The following MYEF2 variants were observed in gnomAD, a reference collection of about 807,000 sequenced individuals.
MYEF2 encodes myelin gene expression factor 2.
A neutral mutation model predicts 75.2 loss-of-function variants in MYEF2; 37 were observed. The observed-to-expected ratio is 0.49, with a 90% CI of 0.38 to 0.65. MYEF2 has a LOEUF of 0.65. MYEF2 is among the 30% of genes least tolerant of loss of function. The pLI, the probability that MYEF2 is intolerant of heterozygous loss-of-function variation, is 0.00. For missense variants in MYEF2, 634 were observed against 771.4 expected (o/e 0.82, Z 2.11); for synonymous variants, 195 against 241.6 (o/e 0.81, Z 1.79).
intron 5 of MYEF2, among the ~76,000 whole-genome samples, chr15:48,160,306 A>C (rs1597330215): frequency 6.6e-6 from 1 of 152,130 alleles, no homozygotes; most frequent in African/African-American, 2.4e-5. Flanking sequence ...CCTGAACAAA[A>C]TACAGTTACC....
At chr15:48,173,232 G>A (rs1245445148) in intron 1 of MYEF2, among the ~76,000 whole-genome samples, 1 of 152,062 alleles carries the variant, frequency 6.6e-6, no homozygotes, top group South Asian at 2.1e-4. Flanking sequence ...CAGAATGAAG[G>A]ATTTTTTAAA....
intron 14 of MYEF2, among the ~76,000 whole-genome samples, chr15:48,150,278 T>C (rs936572848): frequency 1.3e-5 from 2 of 151,876 alleles, no homozygotes; most frequent in Non-Finnish European, 2.9e-5. Context: ...TTAGGACTAA[T>C]AGGAAATGGC....
chr15:48,168,193 T>C (rs1160451847), intron 2 of MYEF2, among the ~76,000 whole-genome samples: 2 of 152,004 alleles, frequency 1.3e-5, no homozygotes, highest in Non-Finnish European at 2.9e-5. Context: ...GTCATGACAA[T>C]GCAAACAAAA....
At chr15:48,175,838 AAAG>A (rs1192245098) in intron 1 of MYEF2, among the ~76,000 whole-genome samples, 4 of 152,196 alleles carry the variant, frequency 2.6e-5, no homozygotes, top group Non-Finnish European at 5.9e-5. Context: ...ATTTGGCGTT[AAAG>A]AAGAAGACTA....
Position 48,139,039 on chromosome 15 carries a change from TATTAC to T in MYEF2, c.*3864_*3868del. ...TTTTTTGGGTATTATCCCTTCCTAT[TATTAC>T]ATTACTTTTTCTAACCACACCAGAT... On this transcript the variant is annotated 3_prime_UTR_variant, in exon 17 of 17. Coordinates refer to ENST00000324324, the MANE Select transcript of MYEF2 (RefSeq NM_016132.5). 6.2e-7 allele frequency: 1 copy of T among 1,613,164 alleles called. No individual in the cohort carries two copies. The highest frequency in any genetic ancestry group is 1.7e-4 in the Middle Eastern group (1 of 6,054).
Position 48,158,241 on chromosome 15 carries a change from G to A in MYEF2, c.872-17C>T. The A allele has an allele frequency of 1.2e-6, 2 of 1,611,228 alleles. No individual in the cohort carries two copies. Among genetic ancestry groups the A allele is most frequent in the East Asian group, 2.2e-5 (1 of 44,744 alleles). On this transcript the variant is annotated splice_polypyrimidine_tract_variant and intron_variant, in intron 7 of 16. Transcript: ENST00000324324. Reference sequence around the variant, plus strand: ...TGAACATAGCTGTTGGTTCAGTCAAGGAAAGTCAGTTAAGATAACTATAAA... The same window carrying A: ...TGAACATAGCTGTTGGTTCAGTCAAAGAAAGTCAGTTAAGATAACTATAAA...
At chr15:48,158,284 A>C in intron 7 of MYEF2, 60 bp from the exon 8 acceptor site, 1 of 1,483,070 alleles carries the variant, frequency 6.7e-7, no homozygotes, top group Non-Finnish European at 9.3e-7. Context: ...CAGAACACAA[A>C]CTAATTTTTA....
Position 48,137,098 on chromosome 15 carries a change from T to A in MYEF2, c.*5810A>T, listed in dbSNP as rs2034964853. ...AGACTCAGAAATGATAAAGACCAAG[T>A]CCCTACCTTTAAGGAACTTCCAATA... On this transcript the variant is annotated 3_prime_UTR_variant, in exon 17 of 17. Coordinates refer to ENST00000324324, the MANE Select transcript of MYEF2 (RefSeq NM_016132.5). 3.3e-6 allele frequency: 3 copies of A among 913,222 alleles called. No homozygotes were observed. The highest frequency in any genetic ancestry group is 4.8e-6 in the Non-Finnish European group (3 of 623,990). 56.6% of individuals were successfully genotyped at this position (913,222 alleles called of 1,614,324 possible). A position where few individuals can be genotyped will look rare whatever the true frequency, so the allele number is the denominator to read the frequency against.
chr15:48,166,147 G>T lies in MYEF2; in HGVS notation c.424-19C>A. 1 of 1,555,490 alleles carries T rather than the reference G, an allele frequency of 6.4e-7. No homozygotes were observed. The highest frequency in any genetic ancestry group is 8.8e-7 in the Non-Finnish European group (1 of 1,142,276). Reference sequence around the variant, plus strand: ...CACAACCCTATATCCAGGTAGATTTGTCAAAATATGCAAAAGAAAAAAAGT... The same window carrying T: ...CACAACCCTATATCCAGGTAGATTTTTCAAAATATGCAAAAGAAAAAAAGT... On this transcript the variant is annotated intron_variant, in intron 3 of 16. Coordinates refer to ENST00000324324, the MANE Select transcript of MYEF2 (RefSeq NM_016132.5).
chr15:48,165,984 T>C lies in MYEF2; in HGVS notation c.474A>G (p.Leu158=). 6.3e-7 allele frequency: 1 copy of C among 1,597,578 alleles called. No individual in the cohort carries two copies. The highest frequency in any genetic ancestry group is 8.5e-7 in the Non-Finnish European group (1 of 1,170,410). Residue 158 remains leucine (L), a synonymous_variant, in exon 5 of 17, where the codon CTA becomes CTG. Transcript: ENST00000324324. ...FKDEEFVKKA[L]ETMNKYDLSG... ...TAAGATCATATTTGTTCATAGTTTCTAGGGCTTTCTTTACAAATTCTTCAT... is the reference window on the plus strand; with the variant it reads ...TAAGATCATATTTGTTCATAGTTTCCAGGGCTTTCTTTACAAATTCTTCAT...
intron 5 of MYEF2, among the ~76,000 whole-genome samples, chr15:48,164,809 A>G (rs901287153): frequency 2.0e-5 from 3 of 152,228 alleles, no homozygotes; most frequent in Non-Finnish European, 4.4e-5. Flanking sequence ...TCAGCAATAA[A>G]GTATTTTTAA....
In MYEF2 at chr15:48,151,906, A is replaced by G; in HGVS notation, c.1175T>C (p.Met392Thr). Residue 392 changes from methionine (M) to threonine (T), a missense_variant, in exon 12 of 17, where the codon ATG becomes ACG. By Grantham distance (81) the Met-to-Thr change is moderately conservative. Coordinates refer to ENST00000324324, the MANE Select transcript of MYEF2 (RefSeq NM_016132.5). Reference protein sequence around the residue: ...GFGGLEAMNSMGGFGGVGRMG... With the variant: ...GFGGLEAMNSTGGFGGVGRMG... Reference sequence around the variant, plus strand: ...TCGGCCAACTCCTCCAAATCCTCCCATGCTATTCATTGCTTCCAGACCACC... The same window carrying G: ...TCGGCCAACTCCTCCAAATCCTCCCGTGCTATTCATTGCTTCCAGACCACC... 1 of 1,613,528 alleles carries G rather than the reference A, an allele frequency of 6.2e-7. No homozygotes were observed. The highest frequency in any genetic ancestry group is 8.5e-7 in the Non-Finnish European group (1 of 1,179,598).
chr15:48,135,766 G>GT lies in MYEF2; in HGVS notation c.*7141dup, dbSNP rs777507674. ...GAGAACCATAACCTTGCAGCACGGCGTAATACCTGCTATCAAGAAACTTAA... is the reference window on the plus strand; with the variant it reads ...GAGAACCATAACCTTGCAGCACGGCGTTAATACCTGCTATCAAGAAACTTAA... On this transcript the variant is annotated 3_prime_UTR_variant, in exon 17 of 17. Coordinates refer to ENST00000324324, the MANE Select transcript of MYEF2 (RefSeq NM_016132.5). 4.6e-5 allele frequency: 7 copies of GT among 151,858 alleles called. No individual in the cohort carries two copies. The highest frequency in any genetic ancestry group is 1.3e-4 in the Admixed American group (2 of 15,224). The allele number at this position is 151,858 out of a possible 1,614,324, so 9.4% of individuals were successfully genotyped here.
At chr15:48,164,664 T>C (rs1405501396) in intron 5 of MYEF2, among the ~76,000 whole-genome samples, 2 of 152,066 alleles carry the variant, frequency 1.3e-5, no homozygotes, top group Non-Finnish European at 1.5e-5. Context: ...TCATTGTTCT[T>C]AATTTAAGAA....
Position 48,149,653 on chromosome 15 carries a change from A to T in MYEF2, c.1379-282T>A, listed in dbSNP as rs1314694618. 1 of 205,262 alleles carries T rather than the reference A, an allele frequency of 4.9e-6. No homozygotes were observed. Among genetic ancestry groups the T allele is most frequent in the Non-Finnish European group, 9.6e-6 (1 of 103,872 alleles). The allele number at this position is 205,262 out of a possible 1,614,324, so 12.7% of individuals were successfully genotyped here. A position where few individuals can be genotyped will look rare whatever the true frequency, so the allele number is the denominator to read the frequency against. ...CATTATGCATATATAACTGTATAAAATTGTATTCTGATCACTAAATATATC... is the reference window on the plus strand; with the variant it reads ...CATTATGCATATATAACTGTATAAATTTGTATTCTGATCACTAAATATATC... On this transcript the variant is annotated intron_variant, in intron 14 of 16. Transcript: ENST00000324324. This position sits in a 1 kb window ranked among gnomAD's most constrained non-coding sequence, Gnocchi z 4.0.
Position 48,158,113 on chromosome 15 carries a change from T to C in MYEF2, c.922-57A>G. On this transcript the variant is annotated intron_variant, in intron 8 of 16. Coordinates refer to ENST00000324324, the MANE Select transcript of MYEF2 (RefSeq NM_016132.5). ...CATATTACCACAAAGAACTGTAATG[T>C]AGAAGAGAGCCAATAAAAGATCTGA... 3 of 1,611,302 alleles carry C rather than the reference T, an allele frequency of 1.9e-6. 1 individual carries two copies. In the South Asian group the frequency reaches 3.3e-5, roughly 18 times the overall value.
chr15:48,153,598 C>A, intron 10 of MYEF2, 194 bp downstream of exon 10: 1 of 515,700 alleles, frequency 1.9e-6, no homozygotes, highest in Non-Finnish European at 3.4e-6. Context: ...CCAAAGAAAC[C>A]CTCCTGACTT....
chr15:48,170,053 A>AT lies in MYEF2; in HGVS notation c.162-1215dup, dbSNP rs549330764. On this transcript the variant is annotated intron_variant, in intron 1 of 16. Coordinates refer to ENST00000324324, the MANE Select transcript of MYEF2 (RefSeq NM_016132.5). Reference sequence around the variant, plus strand: ...ATTTGGATTTCTATTTTAAAATGCAATTTACTTTTCAAAACAAGTCTTTTT... The same window carrying AT: ...ATTTGGATTTCTATTTTAAAATGCAATTTTACTTTTCAAAACAAGTCTTTTT... 9.5e-4 allele frequency: 145 copies of AT among 152,294 alleles called. 1 individual carries two copies. The highest frequency in any genetic ancestry group is 3.4e-3 in the African/African-American group (143 of 41,564). The allele number at this position is 152,294 out of a possible 1,614,324, so 9.4% of individuals were successfully genotyped here.
At chr15:48,170,772 A>G (rs1196729196) in intron 1 of MYEF2, among the ~76,000 whole-genome samples, 1 of 152,216 alleles carries the variant, frequency 6.6e-6, no homozygotes, top group Non-Finnish European at 1.5e-5. Context: ...TGTAAACTCT[A>G]TGAGAACAAA....
Sources: gnomAD v4.1 joint callset for allele counts (sites outside exome capture counted in the v4.1 genomes callset) on GRCh38, gnomAD v4.1.1 for gene constraint, Gnocchi (gnomAD v3.1) non-coding constraint, MANE v1.5 for transcripts, NCBI Gene and HGNC (gene_info 2026-07-23, HGNC 2026-07-21) for gene names.